The following ADAMTSL1 variants were observed in gnomAD, a reference collection of about 807,000 sequenced individuals.
ADAMTSL1 encodes ADAMTS-like protein 1.
In ADAMTSL1, 126 loss-of-function variants were observed where a neutral mutation model predicts 201.8. The observed-to-expected ratio is 0.62, with a 90% CI of 0.54 to 0.72. The LOEUF is 0.72. ADAMTSL1 is among the 30% of genes least tolerant of loss of function. ADAMTSL1 has a pLI of 0.00. For missense variants in ADAMTSL1, 2,679 were observed against 2,277.8 expected (o/e 1.18, Z -3.59); for synonymous variants, 1,121 against 903.4 (o/e 1.24, Z -4.32).
chr9:18,592,148 T>C (rs755918346), intron 4 of ADAMTSL1, among the ~76,000 whole-genome samples: 27 of 152,126 alleles, frequency 1.8e-4, no homozygotes, highest in Non-Finnish European at 5.9e-5. Context: ...GTGGATCAGA[T>C]TGGCAGCAAA....
At chr9:18,692,952 C>A (rs1180186253) in intron 13 of ADAMTSL1, among the ~76,000 whole-genome samples, 1 of 152,176 alleles carries the variant, frequency 6.6e-6, no homozygotes, top group Non-Finnish European at 1.5e-5. Context: ...TGGTCTGAAA[C>A]AAGTGTCATA....
chr9:17,962,340 C>T (rs1817788639), intron 1 of ADAMTSL1, among the ~76,000 whole-genome samples: 1 of 152,172 alleles, frequency 6.6e-6, no homozygotes, highest in Non-Finnish European at 1.5e-5. Context: ...CTTTTGAACA[C>T]TTTCCTGTCA....
At chr9:17,987,717 GT>G (rs572268883) in intron 1 of ADAMTSL1, among the ~76,000 whole-genome samples, 1 of 151,932 alleles carries the variant, frequency 6.6e-6, no homozygotes, top group South Asian at 2.1e-4. Context: ...CAAATGCCTT[GT>G]TTTTTTGCTT....
rs544657187 is a variant in ADAMTSL1 at position 18,681,700 on chromosome 9, G to A, written c.1342-112G>A. On this transcript the variant is annotated intron_variant, in intron 11 of 28. Transcript: ENST00000380548. Reference sequence around the variant, plus strand: ...AAATTTACCAGGAGTCCTCGTGTGGGGGGGGGGGGCGGGGAAAAAGAAAAC... The same window carrying A: ...AAATTTACCAGGAGTCCTCGTGTGGAGGGGGGGGGCGGGGAAAAAGAAAAC... 3.0e-5 allele frequency: 20 copies of A among 673,508 alleles called. 2 individuals carry two copies. In the South Asian group the frequency reaches 6.1e-4, roughly 21 times the overall value. 41.7% of individuals were successfully genotyped at this position (673,508 alleles called of 1,614,324 possible).
At chr9:18,555,918 C>T (rs1305285246) in intron 3 of ADAMTSL1, among the ~76,000 whole-genome samples, 1 of 151,866 alleles carries the variant, frequency 6.6e-6, no homozygotes, top group African/African-American at 2.4e-5. Flanking sequence ...CATTGCCACA[C>T]CATGTAGAAA....
intron 1 of ADAMTSL1, among the ~76,000 whole-genome samples, chr9:17,975,515 A>G (rs1489517520): frequency 6.6e-6 from 1 of 151,996 alleles, no homozygotes; most frequent in Non-Finnish European, 1.5e-5. Context: ...GAGCCTAATC[A>G]TCTCCCAAAG....
Position 18,777,774 on chromosome 9 carries a change from T to G in ADAMTSL1, c.3545T>G (p.Val1182Gly). 4 of 1,613,752 alleles carry G rather than the reference T, an allele frequency of 2.5e-6. No homozygotes were observed. Among genetic ancestry groups the G allele is most frequent in the Non-Finnish European group, 3.4e-6 (4 of 1,179,844 alleles). Residue 1182 changes from valine to glycine, a missense_variant, in exon 19 of 29, where the codon GTC (valine) becomes GGC (glycine). Physicochemically the swap from Val to Gly is moderately radical, Grantham distance 109. Transcript: ENST00000380548. ...AAQQLSASEV[V>G]THLGQTVALA... ...CAGCAGCTCTCAGCCTCGGAGGTGG[T>G]CACCCACCTGGGGCAGACGGTGGCC...
In ADAMTSL1 at chr9:18,140,391, A is replaced by C. The variant is rs75817352; in HGVS notation, c.88-23471A>C. Reference sequence around the variant, plus strand: ...GCAAAGGGAAAAGGTGTATGGGGCAAAGTCCAGCAGAGACCAGGAGCAAGC... The same window carrying C: ...GCAAAGGGAAAAGGTGTATGGGGCACAGTCCAGCAGAGACCAGGAGCAAGC... On this transcript the variant is annotated intron_variant, in intron 1 of 29. Transcript: ENST00000680146. Among the ~76,000 whole-genome samples, 1,055 of 152,272 alleles carry C rather than the reference A, an allele frequency of 6.9e-3. 11 individuals are homozygous for C. Among genetic ancestry groups the C allele is most frequent in the African/African-American group, 0.024 (1,016 of 41,550 alleles).
At chr9:18,844,479 G>C (rs1388200040) in intron 23 of ADAMTSL1, among the ~76,000 whole-genome samples, 1 of 152,184 alleles carries the variant, frequency 6.6e-6, no homozygotes, top group Non-Finnish European at 1.5e-5. Context: ...CTGCTCGGGG[G>C]TCAGGGGTCA....
chr9:18,818,000 G>T (rs1823968506), intron 21 of ADAMTSL1, among the ~76,000 whole-genome samples: 1 of 152,200 alleles, frequency 6.6e-6, no homozygotes, highest in South Asian at 2.1e-4. Context: ...GTGAAGCAAG[G>T]AGTAGTAGAC....
At chr9:18,744,724 C>T (rs1389543755) in intron 15 of ADAMTSL1, among the ~76,000 whole-genome samples, 1 of 152,192 alleles carries the variant, frequency 6.6e-6, no homozygotes, top group Non-Finnish European at 1.5e-5. Context: ...TATTCAACTG[C>T]AGGGTGGCAG....
chr9:18,610,027 C>T (rs371554518), intron 4 of ADAMTSL1, among the ~76,000 whole-genome samples: 10 of 152,150 alleles, frequency 6.6e-5, no homozygotes, highest in African/African-American at 1.7e-4. Context: ...TAGGGTTCCA[C>T]ATCACATAGA....
At chr9:18,495,766 G>A (rs998801374) in intron 1 of ADAMTSL1, among the ~76,000 whole-genome samples, 12 of 152,156 alleles carry the variant, frequency 7.9e-5, no homozygotes, top group African/African-American at 7.2e-5. Context: ...GTGTGTGAAG[G>A]TGGGGGAGTG....
At chr9:18,253,750 T>G (rs1047488714) in intron 2 of ADAMTSL1, among the ~76,000 whole-genome samples, 3 of 152,280 alleles carry the variant, frequency 2.0e-5, no homozygotes, top group African/African-American at 7.2e-5. Context: ...TTAAAGAAAT[T>G]CTAGCTAGTA....
chr9:18,017,636 T>G (rs1820312706), intron 1 of ADAMTSL1, among the ~76,000 whole-genome samples: 1 of 152,060 alleles, frequency 6.6e-6, no homozygotes, highest in Non-Finnish European at 1.5e-5. Context: ...GAATTGAACA[T>G]GAAATTATGA....
rs1475551701 is a variant in ADAMTSL1, at chr9:18,621,555, TCCAC to T, written c.475-687_475-684del. Among the ~76,000 whole-genome samples, 725 of 82,590 alleles carry T rather than the reference TCCAC, an allele frequency of 8.8e-3. 7 individuals are homozygous for T. The highest frequency in any genetic ancestry group is 0.029 in the African/African-American group (699 of 23,986). The allele number at this position is 82,590 out of a possible 152,430, so 54.2% of individuals were successfully genotyped here. A position where few individuals can be genotyped will look rare whatever the true frequency, so the allele number is the denominator to read the frequency against. On this transcript the variant is annotated intron_variant, in intron 4 of 28. Transcript: ENST00000380548. ...GCTGCCCTTCATGCAACCGTCCTCT[TCCAC>T]ACACACACACACACACACACACACA...
At chr9:18,252,833 G>A (rs929307921) in intron 2 of ADAMTSL1, among the ~76,000 whole-genome samples, 10 of 152,110 alleles carry the variant, frequency 6.6e-5, no homozygotes, top group African/African-American at 1.9e-4. Context: ...TTATCTTGCT[G>A]TATCTAATAA....
At chr9:18,401,302 A>C (rs1188337267) in intron 2 of ADAMTSL1, among the ~76,000 whole-genome samples, 1 of 152,148 alleles carries the variant, frequency 6.6e-6, no homozygotes, top group Non-Finnish European at 1.5e-5. Context: ...AAAAATCCAC[A>C]TTATACCTCT....
intron 1 of ADAMTSL1, among the ~76,000 whole-genome samples, chr9:18,069,793 A>C (rs1190044367): frequency 2.0e-5 from 3 of 152,224 alleles, no homozygotes; most frequent in Non-Finnish European, 4.4e-5. Flanking sequence ...GTCCATGAGA[A>C]AGATCAGGAG....
Sources: allele counts gnomAD v4.1 joint callset (sites outside exome capture counted in the v4.1 genomes callset), GRCh38; gene constraint gnomAD v4.1.1; transcripts MANE v1.5; gene names NCBI Gene and HGNC (gene_info 2026-07-23, HGNC 2026-07-21).